The following PDZD8 variants were observed in gnomAD, a reference collection of about 807,000 sequenced individuals.
The protein encoded by PDZD8 is PDZ domain-containing protein 8.
A neutral mutation model predicts 85.8 loss-of-function variants in PDZD8; 14 were observed. That is an observed-to-expected ratio of 0.16 (90% confidence interval 0.11 to 0.26). PDZD8 has a LOEUF of 0.26. Among genes scored for constraint, PDZD8 ranks in the 10% least tolerant of loss-of-function variants. PDZD8 has a pLI of 1.00. For missense variants in PDZD8, 1,197 were observed against 1,424.3 expected (o/e 0.84, Z 2.57); for synonymous variants, 592 against 568.6 (o/e 1.04, Z -0.59).
chr10:117,285,132 A>T lies in PDZD8; in HGVS notation c.1601T>A (p.Leu534His), dbSNP rs115527377. 1.2e-6 allele frequency: 2 copies of T among 1,614,038 alleles called. No individual in the cohort carries two copies. Among genetic ancestry groups the T allele is most frequent in the East Asian group, 4.5e-5 (2 of 44,886 alleles). ...GTTTAAAACTGGTGATATAGCTCCAAGGGGTTTAATAGAAAGTGTTGTTGG... is the reference window on the plus strand; with the variant it reads ...GTTTAAAACTGGTGATATAGCTCCATGGGGTTTAATAGAAAGTGTTGTTGG... Reference protein sequence around the residue: ...RVPTTLSIKPLGAISPVLNRK... With the variant: ...RVPTTLSIKPHGAISPVLNRK... The change falls in exon 5 of 5, where the codon CTT (leucine) becomes CAT (histidine). Residue 534 changes from leucine (L) to histidine (H), a missense_variant. Around this residue, in one of 4 missense-constraint regions of PDZD8, gnomAD observed 263 missense variants for 261.9 expected, o/e 1.00. Coordinates refer to ENST00000334464, the MANE Select transcript of PDZD8 (RefSeq NM_173791.5).
chr10:117,342,640 G>C (rs1196039524), intron 1 of PDZD8, among the ~76,000 whole-genome samples: 1 of 152,090 alleles, frequency 6.6e-6, no homozygotes, highest in Non-Finnish European at 1.5e-5. Flanking sequence ...ACTATACCTG[G>C]ATGATTTTTG....
chr10:117,287,197 T>C (rs1844678519), intron 4 of PDZD8, among the ~76,000 whole-genome samples: 1 of 152,182 alleles, frequency 6.6e-6, no homozygotes, highest in Non-Finnish European at 1.5e-5. Flanking sequence ...CTTAAACTTT[T>C]TCTTCCTTTT....
intron 3 of PDZD8, among the ~76,000 whole-genome samples, chr10:117,299,972 A>G (rs1055858081): frequency 1.3e-5 from 2 of 152,142 alleles, no homozygotes; most frequent in African/African-American, 4.8e-5. Context: ...TACATTTTTA[A>G]AACAACAGAA....
chr10:117,336,258 G>A (rs563510238), intron 2 of PDZD8, among the ~76,000 whole-genome samples: 1 of 152,282 alleles, frequency 6.6e-6, no homozygotes, highest in East Asian at 1.9e-4. Context: ...TCAGATTCTG[G>A]AGCATTTGGG....
intron 4 of PDZD8, among the ~76,000 whole-genome samples, chr10:117,288,613 A>G (rs2429508): frequency 0.77 from 115,512 of 150,742 alleles, 44,864 homozygotes; most frequent in Non-Finnish European, 0.85. Flanking sequence ...GGTTCAAGCA[A>G]TTCTCCTGCC....
rs1482401480 is a variant in PDZD8, at chr10:117,283,799, T to A, written c.2934A>T (p.Glu978Asp). The change falls in exon 5 of 5, where the codon GAA becomes GAT. Residue 978 changes from glutamate (E) to aspartate (D), a missense_variant. Physicochemically the swap from Glu to Asp is conservative, Grantham distance 45 (BLOSUM62 2). This residue lies in a region of PDZD8 where 418 missense variants were observed against 571.1 expected (regional missense o/e 0.73). Transcript: ENST00000334464. The stretch of plus-strand genomic sequence containing the variant: ...GACCACAGACCTCCGTGTCACTGCC[T>A]TCGTTGTCTGACGTGTTGGGTGTGT... ...PKHTPNTSDN[E>D]GSDTEVCGPN... The A allele has an allele frequency of 6.2e-7, 1 of 1,614,250 alleles. No homozygotes were observed. The highest frequency in any genetic ancestry group is 1.1e-5 in the South Asian group (1 of 91,080).
chr10:117,283,749 T>A lies in PDZD8; in HGVS notation c.2984A>T (p.Asn995Ile), dbSNP rs1322295890. 1.2e-6 allele frequency: 2 copies of A among 1,614,100 alleles called. No homozygotes were observed. Residue 995 changes from asparagine to isoleucine, a missense_variant, in exon 5 of 5, where the codon AAC becomes ATC. Around this residue, in one of 4 missense-constraint regions of PDZD8, gnomAD observed 418 missense variants for 571.1 expected, o/e 0.73. Coordinates refer to ENST00000334464, the MANE Select transcript of PDZD8 (RefSeq NM_173791.5). ...TCTCACTAACTTTATTCCTGTGCTGTTTCCCCGTTTAGAAGGACTGTTTGG... is the reference window on the plus strand; with the variant it reads ...TCTCACTAACTTTATTCCTGTGCTGATTCCCCGTTTAGAAGGACTGTTTGG... ...CGPNSPSKRG[N>I]STGIKLVRKE... is the part of the protein sequence containing the mutation.
chr10:117,374,345 C>A lies in PDZD8; in HGVS notation c.872+11G>T. Reference sequence around the variant, plus strand: ...CCGGCAGCCAGGCCCCCTCCCCGACCTCCAGCTCACCTGATCTTGTAATTC... The same window carrying A: ...CCGGCAGCCAGGCCCCCTCCCCGACATCCAGCTCACCTGATCTTGTAATTC... On this transcript the variant is annotated intron_variant, in intron 1 of 4. Coordinates refer to ENST00000334464, the MANE Select transcript of PDZD8 (RefSeq NM_173791.5). This position sits in a 1 kb window ranked among gnomAD's most constrained non-coding sequence, Gnocchi z 7.8. 6.2e-7 allele frequency: 1 copy of A among 1,609,992 alleles called. No homozygotes were observed. The highest frequency in any genetic ancestry group is 8.5e-7 in the Non-Finnish European group (1 of 1,176,652).
At chr10:117,347,366 C>T (rs1844726759) in intron 1 of PDZD8, among the ~76,000 whole-genome samples, 1 of 152,162 alleles carries the variant, frequency 6.6e-6, no homozygotes, top group Non-Finnish European at 1.5e-5. Context: ...TTTAGATAAA[C>T]TCAACCATCA....
chr10:117,306,623 G>A (rs1009047655), intron 3 of PDZD8, among the ~76,000 whole-genome samples: 18 of 151,414 alleles, frequency 1.2e-4, no homozygotes, highest in Non-Finnish European at 2.9e-5. Context: ...ATCTTACTAA[G>A]GAAGTATGAG....
At chr10:117,314,843 C>T (rs183527275) in intron 3 of PDZD8, among the ~76,000 whole-genome samples, 525 of 152,242 alleles carry the variant, frequency 3.4e-3, no homozygotes, top group Non-Finnish European at 6.2e-3. Context: ...TTTTCAACCT[C>T]GTGTCTCTAA....
chr10:117,304,611 A>G (rs1163491412), intron 3 of PDZD8, among the ~76,000 whole-genome samples: 2 of 152,170 alleles, frequency 1.3e-5, no homozygotes, highest in East Asian at 1.9e-4. Flanking sequence ...TGTATCTCCA[A>G]GAATTCCCAT....
chr10:117,328,284 C>T (rs886481959), intron 2 of PDZD8, among the ~76,000 whole-genome samples: 2 of 152,166 alleles, frequency 1.3e-5, no homozygotes, highest in African/African-American at 2.4e-5. Context: ...TGCTTTTGAC[C>T]TGACATCAAT....
chr10:117,318,724 T>A, intron 3 of PDZD8, 148 bp downstream of exon 3: 1 of 560,372 alleles, frequency 1.8e-6, no homozygotes, highest in Non-Finnish European at 3.1e-6. Flanking sequence ...ATCACTGTAG[T>A]TGTATTGTAA....
At position 117,290,444 on chromosome 10, in the gene PDZD8, T is replaced by C. The variant is rs1044340370; in HGVS notation, c.1099-96A>G. ...AGACTGTTATGTGCAGAGAGCACCA[T>C]GGCTGATGCTGACTTTTCTATCATG... On this transcript the variant is annotated intron_variant, in intron 3 of 4. Transcript: ENST00000334464. 5 of 856,126 alleles carry C rather than the reference T, an allele frequency of 5.8e-6. No homozygotes were observed. The African/African-American group carries it at 8.6e-5, about 15-fold the overall frequency. The allele number at this position is 856,126 out of a possible 1,614,324, so 53.0% of individuals were successfully genotyped here.
intron 2 of PDZD8, among the ~76,000 whole-genome samples, chr10:117,339,364 T>C (rs2532789): frequency 0.77 from 117,510 of 152,060 alleles, 45,994 homozygotes; most frequent in Non-Finnish European, 0.85. Flanking sequence ...GATCAGGAGA[T>C]ACATTAAGAA....
chr10:117,363,880 T>C (rs1845039644), intron 1 of PDZD8, among the ~76,000 whole-genome samples: 1 of 152,190 alleles, frequency 6.6e-6, no homozygotes, highest in African/African-American at 2.4e-5. Flanking sequence ...AGAAATGTGT[T>C]CTAAAGCATT....
intron 1 of PDZD8, among the ~76,000 whole-genome samples, chr10:117,348,392 C>T (rs1209977744): frequency 1.3e-5 from 2 of 152,144 alleles, no homozygotes; most frequent in African/African-American, 4.8e-5. Context: ...GCACACTGTA[C>T]ATAAGGAAAC....
intron 2 of PDZD8, among the ~76,000 whole-genome samples, chr10:117,326,221 C>G (rs915725481): frequency 5.3e-5 from 8 of 152,196 alleles, no homozygotes; most frequent in African/African-American, 1.9e-4. Flanking sequence ...CCATACAACT[C>G]TCCAACTAAG....
Sources: gnomAD v4.1 joint callset for allele counts (sites outside exome capture counted in the v4.1 genomes callset) on GRCh38, gnomAD v4.1.1 for gene constraint, gnomAD v4.1.1 regional missense constraint, Gnocchi (gnomAD v3.1) non-coding constraint, MANE v1.5 for transcripts, NCBI Gene and HGNC (gene_info 2026-07-23, HGNC 2026-07-21) for gene names.